The following GRID2 variants were observed in gnomAD, a reference collection of about 807,000 sequenced individuals.
GRID2 encodes the protein glutamate ionotropic receptor delta type subunit 2.
In GRID2, 33 loss-of-function variants were observed where a neutral mutation model predicts 114.8. The observed-to-expected ratio is 0.29, with a 90% confidence interval of 0.22 to 0.38. The LOEUF is 0.38. Ranked by LOEUF, GRID2 falls within the 10% of genes least tolerant of loss-of-function variation. The pLI is 1.00. For missense variants in GRID2, 1,184 were observed against 1,257.7 expected, an observed-to-expected ratio of 0.94 and a Z score of 0.89; for synonymous variants, 505 against 449.9, an observed-to-expected ratio of 1.12 and a Z score of -1.55.
At chr4:92,325,824 T>A (rs1490266656) in intron 1 of GRID2, among the ~76,000 whole-genome samples, 1 of 151,838 alleles carries the variant, frequency 6.6e-6, no homozygotes, top group Non-Finnish European at 1.5e-5. Flanking sequence ...AAAGTCATAA[T>A]CTCTTCAATC....
chr4:92,513,424 C>T (rs958081157), intron 1 of GRID2, among the ~76,000 whole-genome samples: 1 of 151,788 alleles, frequency 6.6e-6, no homozygotes, highest in Admixed American at 6.6e-5. Context: ...GAGTATTGCA[C>T]GTTCTTGTTT....
intron 12 of GRID2, among the ~76,000 whole-genome samples, chr4:93,509,837 G>C (rs992481231): frequency 4.6e-5 from 7 of 152,126 alleles, no homozygotes; most frequent in Non-Finnish European, 7.3e-5. Context: ...TCCTTTAAAT[G>C]CTACATTTTG....
intron 8 of GRID2, among the ~76,000 whole-genome samples, chr4:93,307,085 A>G (rs942082051): frequency 1.2e-3 from 186 of 152,162 alleles, no homozygotes; most frequent in African/African-American, 4.3e-3. Context: ...AATCCCAGCT[A>G]CTTGGGAGGC....
At chr4:93,729,124 C>T (rs1730235591) in intron 14 of GRID2, among the ~76,000 whole-genome samples, 1 of 152,136 alleles carries the variant, frequency 6.6e-6, no homozygotes, top group Non-Finnish European at 1.5e-5. Context: ...TCTTGAACTC[C>T]TGACCTCATG....
chr4:93,044,337 G>A (rs936990749), intron 2 of GRID2, among the ~76,000 whole-genome samples: 3 of 151,802 alleles, frequency 2.0e-5, no homozygotes, highest in African/African-American at 7.3e-5. Flanking sequence ...ATGGGATCTC[G>A]ATGAGGTAAG....
intron 8 of GRID2, among the ~76,000 whole-genome samples, chr4:93,287,346 C>T (rs1284722274): frequency 1.3e-5 from 2 of 152,100 alleles, no homozygotes; most frequent in Non-Finnish European, 2.9e-5. Flanking sequence ...TCCAAGGCAA[C>T]AGTGATAGTA....
intron 2 of GRID2, among the ~76,000 whole-genome samples, chr4:92,816,990 C>G (rs1189201767): frequency 6.6e-6 from 1 of 152,066 alleles, no homozygotes; most frequent in South Asian, 2.1e-4. Context: ...CATCTACTAT[C>G]TTTAAAATCT....
In GRID2 at chr4:93,069,133, C is replaced by T. The variant is rs529706121; in HGVS notation, c.245-15862C>T. Among the ~76,000 whole-genome samples, 84 of 151,938 alleles carry T rather than the reference C, an allele frequency of 5.5e-4. 5 individuals carry two copies. In the South Asian group the frequency reaches 0.017, roughly 30 times the overall value. The stretch of plus-strand genomic sequence containing the variant: ...TTCATGAGAAGCCACCACCATGAAC[C>T]AATCACCTCTCACAAGACACCACCT... On this transcript the variant is annotated intron_variant, in intron 2 of 15. Coordinates refer to ENST00000282020, the MANE Select transcript of GRID2 (RefSeq NM_001510.4).
intron 2 of GRID2, among the ~76,000 whole-genome samples, chr4:92,871,768 A>G (rs1036095821): frequency 6.6e-6 from 1 of 152,236 alleles, no homozygotes; most frequent in Non-Finnish European, 1.5e-5. Context: ...AACAAAATGT[A>G]CAAAAGTCTT....
intron 1 of GRID2, among the ~76,000 whole-genome samples, chr4:92,446,734 C>A (rs570175642): frequency 6.7e-4 from 102 of 152,352 alleles, no homozygotes; most frequent in African/African-American, 2.4e-3. Flanking sequence ...AGAGTTACTT[C>A]TAAGTCTACA....
chr4:92,441,968 TA>T (rs547305318), intron 1 of GRID2, among the ~76,000 whole-genome samples: 333 of 151,554 alleles, frequency 2.2e-3, no homozygotes, highest in South Asian at 7.4e-3. Flanking sequence ...TGGGGATAAC[TA>T]AAAAGGAGTG....
At chr4:92,617,193 T>G (rs562259077) in intron 2 of GRID2, among the ~76,000 whole-genome samples, 1 of 151,516 alleles carries the variant, frequency 6.6e-6, no homozygotes. Context: ...GTACCCTTAC[T>G]ACCCTCTAGT....
intron 4 of GRID2, among the ~76,000 whole-genome samples, chr4:93,205,141 T>C (rs1174427838): frequency 1.3e-5 from 2 of 152,294 alleles, no homozygotes; most frequent in East Asian, 3.9e-4. Flanking sequence ...TTTTTCATTA[T>C]TTGTCTCTTA....
At chr4:93,343,086 A>G (rs1445309386) in intron 8 of GRID2, among the ~76,000 whole-genome samples, 1 of 151,704 alleles carries the variant, frequency 6.6e-6, no homozygotes, top group East Asian at 1.9e-4. Context: ...AGGGCCTGTA[A>G]AGTGAGTTCT....
At chr4:92,638,732 T>A (rs936383192) in intron 2 of GRID2, among the ~76,000 whole-genome samples, 5 of 150,558 alleles carry the variant, frequency 3.3e-5, no homozygotes, top group African/African-American at 9.7e-5. Context: ...AAATTTAGAA[T>A]CTATTGAAAG....
intron 1 of GRID2, among the ~76,000 whole-genome samples, chr4:92,471,570 A>C (rs936899347): frequency 6.6e-6 from 1 of 152,172 alleles, no homozygotes; most frequent in Non-Finnish European, 1.5e-5. Flanking sequence ...AAACATAAAC[A>C]ACCAACTGAA....
intron 1 of GRID2, among the ~76,000 whole-genome samples, chr4:92,399,371 G>T (rs1036909216): frequency 6.6e-6 from 1 of 152,050 alleles, no homozygotes; most frequent in Non-Finnish European, 1.5e-5. Flanking sequence ...CTCCTAATTG[G>T]AACCCATCTA....
intron 14 of GRID2, among the ~76,000 whole-genome samples, chr4:93,736,880 A>G (rs1363790863): frequency 6.9e-6 from 1 of 144,004 alleles, no homozygotes; most frequent in Non-Finnish European, 1.5e-5. Context: ...AAAAAAAAAA[A>G]TCCATCAATG....
At chr4:92,936,501 T>C (rs1750677789) in intron 2 of GRID2, among the ~76,000 whole-genome samples, 1 of 146,398 alleles carries the variant, frequency 6.8e-6, no homozygotes, top group Admixed American at 7.5e-5. Context: ...TTTCCCATTG[T>C]GAAAATTTTT....
Sources: allele counts gnomAD v4.1 joint callset (sites outside exome capture counted in the v4.1 genomes callset), GRCh38; gene constraint gnomAD v4.1.1; transcripts MANE v1.5; gene names NCBI Gene and HGNC (gene_info 2026-07-23, HGNC 2026-07-21).